Variants in FBXW11 observed in about 807,000 individuals in gnomAD.
FBXW11 encodes the protein F-box and WD repeat domain containing 11.
A neutral mutation model predicts 77.6 loss-of-function variants in FBXW11; 19 were observed. The ratio of observed to expected loss-of-function variants is 0.24; its 90% CI spans 0.17 to 0.36. The LOEUF is 0.36. FBXW11 is among the 10% of genes least tolerant of loss of function. FBXW11 has a pLI of 1.00. For missense variants in FBXW11, 334 were observed against 704.2 expected (o/e 0.47, Z 5.95); for synonymous variants, 235 against 249.4 (o/e 0.94, Z 0.54).
chr5:171,952,235 A>C (rs1763356742), intron 2 of FBXW11, among the ~76,000 whole-genome samples: 1 of 151,398 alleles, frequency 6.6e-6, no homozygotes, highest in East Asian at 1.9e-4. Context: ...GGAGGAAGTA[A>C]GGCCCTAAAA....
intron 1 of FBXW11, among the ~76,000 whole-genome samples, chr5:171,967,877 TATATATACACAC>T (rs1157188782): frequency 1.7e-3 from 102 of 58,622 alleles, no homozygotes; most frequent in African/African-American, 4.9e-3. Context: ...TATATATATA[TATATATACACAC>T]ACACACACAC....
At chr5:171,958,298 AT>A (rs1763722159) in intron 1 of FBXW11, among the ~76,000 whole-genome samples, 1 of 152,212 alleles carries the variant, frequency 6.6e-6, no homozygotes, top group African/African-American at 2.4e-5. Context: ...TGATGCTGCT[AT>A]TGTGAAAACT....
intron 2 of FBXW11, among the ~76,000 whole-genome samples, chr5:171,933,272 TACAC>T (rs1420444284): frequency 6.6e-6 from 1 of 152,026 alleles, no homozygotes; most frequent in African/African-American, 2.4e-5. Flanking sequence ...ATGAAAAGGC[TACAC>T]ACCGTGTGAT....
intron 7 of FBXW11, among the ~76,000 whole-genome samples, chr5:171,890,281 C>T (rs1230447640): frequency 1.3e-5 from 2 of 152,074 alleles, no homozygotes; most frequent in South Asian, 2.1e-4. Flanking sequence ...CCGTAATCCC[C>T]GCACTTTGGG....
intron 2 of FBXW11, among the ~76,000 whole-genome samples, chr5:171,914,869 T>G (rs1258116637): frequency 6.6e-6 from 1 of 152,194 alleles, no homozygotes; most frequent in East Asian, 1.9e-4. Context: ...CCTCCCCTGA[T>G]AGCCTTGTTT....
chr5:171,952,614 A>C (rs1453973299), intron 2 of FBXW11, among the ~76,000 whole-genome samples: 1 of 149,262 alleles, frequency 6.7e-6, no homozygotes, highest in African/African-American at 2.5e-5. Flanking sequence ...CATCATGCCC[A>C]GCTACTTTTT....
At chr5:171,931,382 T>C (rs569103865) in intron 2 of FBXW11, among the ~76,000 whole-genome samples, 1 of 152,100 alleles carries the variant, frequency 6.6e-6, no homozygotes, top group Non-Finnish European at 1.5e-5. Flanking sequence ...GCCCACACAA[T>C]AGACCCACAC....
rs1480219637 is a variant in FBXW11, at chr5:171,877,960, C to T, written c.971+51G>A. The T allele has an allele frequency of 8.7e-6, 12 of 1,374,216 alleles. No homozygotes were observed. The East Asian group carries it at 2.8e-4, about 32-fold the overall frequency. 85.1% of individuals were successfully genotyped at this position (1,374,216 alleles called of 1,614,324 possible). On this transcript the variant is annotated intron_variant, in intron 8 of 13. Coordinates refer to ENST00000517395, the MANE Select transcript of FBXW11 (RefSeq NM_001378974.1). ...CCCAGAGGAGGATGTCAATCTCAGA[C>T]TTTCTCAGGGAAGGCTTACAAGTTA...
intron 2 of FBXW11, among the ~76,000 whole-genome samples, chr5:171,956,340 AC>A (rs1282202615): frequency 1.3e-5 from 2 of 152,206 alleles, no homozygotes; most frequent in Non-Finnish European, 2.9e-5. Context: ...TATATTCATT[AC>A]ACTGAGCCTC....
rs538848079 is a variant in FBXW11, at chr5:171,912,907, C to CA, written c.210+1435dup. Among the ~76,000 whole-genome samples, 924 of 114,506 alleles carry CA rather than the reference C, an allele frequency of 8.1e-3. 4 individuals are homozygous for CA. Among genetic ancestry groups the CA allele is most frequent in the African/African-American group, 0.02 (616 of 30,680 alleles). 75.1% of individuals were successfully genotyped at this position (114,506 alleles called of 152,430 possible). A position where few individuals can be genotyped will look rare whatever the true frequency, so the allele number is the denominator to read the frequency against. On this transcript the variant is annotated intron_variant, in intron 3 of 13. Coordinates refer to ENST00000517395, the MANE Select transcript of FBXW11 (RefSeq NM_001378974.1). ...CCTGGGGTGCACAGCAAGACTGCGT[C>CA]AAAAAAAAAAAAAAGTAATATTTTT...
chr5:171,987,504 G>C (rs1242848363), intron 1 of FBXW11, among the ~76,000 whole-genome samples: 1 of 152,208 alleles, frequency 6.6e-6, no homozygotes, highest in East Asian at 1.9e-4. Flanking sequence ...AGGCTGGAGT[G>C]CAGTGGCACA....
intron 4 of FBXW11, among the ~76,000 whole-genome samples, chr5:171,906,632 T>C (rs1411978083): frequency 6.6e-6 from 1 of 152,172 alleles, no homozygotes; most frequent in East Asian, 1.9e-4. Context: ...TATTATAACA[T>C]ATTATCATTA....
chr5:171,993,578 A>C (rs949263773), intron 1 of FBXW11, among the ~76,000 whole-genome samples: 1 of 152,126 alleles, frequency 6.6e-6, no homozygotes, highest in African/African-American at 2.4e-5. Flanking sequence ...GCGCCACTGC[A>C]CTCCAGCCTG....
chr5:171,968,577 G>C (rs1290908081), intron 1 of FBXW11, among the ~76,000 whole-genome samples: 2 of 151,890 alleles, frequency 1.3e-5, no homozygotes, highest in African/African-American at 2.4e-5. Context: ...AAACTCCTAA[G>C]TATCTTCTAA....
intron 1 of FBXW11, among the ~76,000 whole-genome samples, chr5:171,990,533 T>C (rs896588680): frequency 2.0e-5 from 3 of 152,196 alleles, no homozygotes; most frequent in South Asian, 2.1e-4. Flanking sequence ...TTCTTCTTTA[T>C]AGCATTAACT....
At chr5:171,889,026 T>C (rs909175045) in intron 7 of FBXW11, among the ~76,000 whole-genome samples, 3 of 152,082 alleles carry the variant, frequency 2.0e-5, no homozygotes, top group Non-Finnish European at 4.4e-5. Flanking sequence ...TCAAAAGATA[T>C]AGTATTTATG....
chr5:171,889,798 T>C (rs1047452595), intron 7 of FBXW11, among the ~76,000 whole-genome samples: 5 of 151,072 alleles, frequency 3.3e-5, no homozygotes, highest in Admixed American at 2.0e-4. Context: ...TGAGGCAGGA[T>C]AATCGCTCAA....
At chr5:171,990,983 G>C (rs1346026471) in intron 1 of FBXW11, among the ~76,000 whole-genome samples, 1 of 151,922 alleles carries the variant, frequency 6.6e-6, no homozygotes, top group Non-Finnish European at 1.5e-5. Context: ...ATGCCACCAC[G>C]CTTGGCTAAT....
In FBXW11 at chr5:171,990,885, C is replaced by T. The variant is rs528534738; in HGVS notation, c.45+15573G>A. ...TATTGCCTGGGCTGGAGTACAATGA[C>T]ACAATCTTGACTCACTGCAACCCCC... On this transcript the variant is annotated intron_variant, in intron 1 of 13. Coordinates refer to ENST00000517395, the MANE Select transcript of FBXW11 (RefSeq NM_001378974.1). 4.6e-5 allele frequency among the ~76,000 whole-genome samples: 7 copies of T among 152,112 alleles called. No individual in the cohort carries two copies. In the South Asian group the frequency reaches 1.2e-3, roughly 27 times the overall value.
Sources: gnomAD v4.1 joint callset for allele counts (sites outside exome capture counted in the v4.1 genomes callset) on GRCh38, gnomAD v4.1.1 for gene constraint, MANE v1.5 for transcripts, NCBI Gene and HGNC (gene_info 2026-07-23, HGNC 2026-07-21) for gene names.